Variants in CLSTN3 observed in about 807,000 individuals in gnomAD.
CLSTN3 encodes calsyntenin-3.
A neutral mutation model predicts 95.9 loss-of-function variants in CLSTN3; 36 were observed. The observed-to-expected ratio is 0.38, with a 90% CI of 0.29 to 0.50. The LOEUF (loss-of-function observed/expected upper bound fraction) is 0.50, where lower values mean the gene tolerates loss of function less well. CLSTN3 is among the 20% of genes least tolerant of loss of function. The probability of loss-of-function intolerance (pLI) is 0.95; values close to 1 mark genes in which losing one functional copy is unlikely to be tolerated. For missense variants in CLSTN3, 1,084 were observed against 1,268.8 expected (o/e 0.85, Z 2.21); for synonymous variants, 481 against 504.0 (o/e 0.95, Z 0.61).
At chr12:7,148,480 G>T (rs2135811979) in intron 12 of CLSTN3, among the ~76,000 whole-genome samples, 1 of 152,314 alleles carries the variant, frequency 6.6e-6, no homozygotes, top group African/African-American at 2.4e-5. Context: ...GGGAATGAAA[G>T]ACACACCAAA....
chr12:7,133,041 T>C lies in CLSTN3; in HGVS notation c.82T>C (p.Trp28Arg). The change falls in exon 2 of 18, where the codon TGG (tryptophan) becomes CGG (arginine). Residue 28 changes from tryptophan to arginine, a missense_variant. Trp to Arg is a moderately radical substitution (Grantham distance 101). Coordinates refer to ENST00000266546, the MANE Select transcript of CLSTN3 (RefSeq NM_014718.4). The surrounding 1 kb of genome is among the most constrained non-coding windows in gnomAD (Gnocchi z 4.7). ...GGGGCCAGCCAACAAGCACAAGCCA[T>C]GGATTGAGGCAGAGTACCAGGGCAT... ...SCNKANKHKP[W>R]IEAEYQGIVM... 6.2e-7 allele frequency: 1 copy of C among 1,613,832 alleles called. No individual in the cohort carries two copies. The highest frequency in any genetic ancestry group is 8.5e-7 in the Non-Finnish European group (1 of 1,179,890).
rs1939526902 is a variant in CLSTN3, at chr12:7,141,559, C to T, written c.1486+155C>T. Among the ~76,000 whole-genome samples, 1 of 152,182 alleles carries T rather than the reference C, an allele frequency of 6.6e-6. No homozygotes were observed. Among genetic ancestry groups the T allele is most frequent in the Non-Finnish European group, 1.5e-5 (1 of 68,036 alleles). ...TCTGAAGATCTCCATGGGAAGGGAC[C>T]ACAGCCTCCCTCCCGTATCTCCCAC... On this transcript the variant is annotated intron_variant, in intron 9 of 17. Coordinates refer to ENST00000266546, the MANE Select transcript of CLSTN3 (RefSeq NM_014718.4). The surrounding 1 kb of genome is among the most constrained non-coding windows in gnomAD (Gnocchi z 4.1).
chr12:7,130,310 C>CA (rs1555167709), upstream of CLSTN3: 18 of 815,418 alleles, frequency 2.2e-5, no homozygotes, highest in African/African-American at 2.8e-4. Flanking sequence ...TGGTCCCCCC[C>CA]CCTCCCAGTC....
chr12:7,156,689 G>A (rs756417939), intron 16 of CLSTN3: 69 of 456,714 alleles, frequency 1.5e-4, no homozygotes, highest in Non-Finnish European at 2.9e-4. Flanking sequence ...CTGCTTTGCC[G>A]CCATCAGCTC....
rs750388199 is a variant in CLSTN3, at chr12:7,150,708, T to C, written c.2391+19T>C. ...CGTGGAGGTACCCAGAGAGTCTCCT[T>C]CCTTCCACAGTTACCCACCCCCAGA... On this transcript the variant is annotated intron_variant, in intron 15 of 17. Coordinates refer to ENST00000266546, the MANE Select transcript of CLSTN3 (RefSeq NM_014718.4). The surrounding 1 kb of genome is among the most constrained non-coding windows in gnomAD (Gnocchi z 4.0). 3 of 1,608,230 alleles carry C rather than the reference T, an allele frequency of 1.9e-6. No homozygotes were observed. Among genetic ancestry groups the C allele is most frequent in the Non-Finnish European group, 2.6e-6 (3 of 1,175,144 alleles).
Position 7,141,166 on chromosome 12 carries a change from G to C in CLSTN3, c.1324-76G>C. The C allele has an allele frequency of 6.9e-7, 1 of 1,453,832 alleles. No homozygotes were observed. The highest frequency in any genetic ancestry group is 9.4e-7 in the Non-Finnish European group (1 of 1,065,356). The allele number at this position is 1,453,832 out of a possible 1,614,324, so 90.1% of individuals were successfully genotyped here. A position where few individuals can be genotyped will look rare whatever the true frequency, so the allele number is the denominator to read the frequency against. ...AGGGACTGTCCCCTGTCTCCCAGGA[G>C]ATGGGGCAGTGCCTAGGGTTAGCTC... On this transcript the variant is annotated intron_variant, in intron 8 of 17. Coordinates refer to ENST00000266546, the MANE Select transcript of CLSTN3 (RefSeq NM_014718.4). This position sits in a 1 kb window ranked among gnomAD's most constrained non-coding sequence, Gnocchi z 4.1.
At chr12:7,130,863 G>A in intron 1 of CLSTN3, 151 bp downstream of exon 1, 1 of 699,238 alleles carries the variant, frequency 1.4e-6, no homozygotes. Context: ...TCTCAGACCT[G>A]CTCCGTCTCC....
At chr12:7,131,263 C>G (rs888975765) in intron 1 of CLSTN3, 1 of 208,918 alleles carries the variant, frequency 4.8e-6, no homozygotes, top group Admixed American at 5.3e-5. Flanking sequence ...GAGCTGCCCT[C>G]TCTGGCAGAC....
chr12:7,150,960 C>G lies in CLSTN3; in HGVS notation c.2424C>G (p.Ala808=). The change falls in exon 16 of 18, where the codon GCC becomes GCG. Residue 808 remains alanine (A), a synonymous_variant. Transcript: ENST00000266546. The surrounding 1 kb of genome is among the most constrained non-coding windows in gnomAD (Gnocchi z 4.0). ...VNVLHSMNRV[A]HPSHVLSSQQ... ...TCCTGCACAGCATGAACCGGGTTGC[C>G]CACCCCAGCCACGTGCTCAGCTCCC... 1 of 1,611,130 alleles carries G rather than the reference C, an allele frequency of 6.2e-7. No individual in the cohort carries two copies.
In CLSTN3 at chr12:7,149,507, A is replaced by G; in HGVS notation, c.2075-16A>G. On this transcript the variant is annotated splice_polypyrimidine_tract_variant and intron_variant, in intron 13 of 17. Coordinates refer to ENST00000266546, the MANE Select transcript of CLSTN3 (RefSeq NM_014718.4). This position sits in a 1 kb window ranked among gnomAD's most constrained non-coding sequence, Gnocchi z 4.5. The stretch of plus-strand genomic sequence containing the variant: ...GCCCTTTGGCTCTGACCCAGACCCT[A>G]CTATCCCCAACCCAGTGACAGACAC... 6.2e-7 allele frequency: 1 copy of G among 1,602,152 alleles called. No homozygotes were observed. Among genetic ancestry groups the G allele is most frequent in the South Asian group, 1.1e-5 (1 of 88,656 alleles).
chr12:7,142,718 CTTT>C (rs373132235), intron 10 of CLSTN3, 148 bp from the exon 11 acceptor site: 2,841 of 301,728 alleles, frequency 9.4e-3, no homozygotes, highest in South Asian at 0.016. Context: ...CTCTTTTTTC[CTTT>C]TTTTTTTTTT....
rs1298530996 is a variant in CLSTN3, at chr12:7,149,506, T to C, written c.2075-17T>C. 6.2e-7 allele frequency: 1 copy of C among 1,601,608 alleles called. No individual in the cohort carries two copies. Among genetic ancestry groups the C allele is most frequent in the Non-Finnish European group, 8.5e-7 (1 of 1,172,800 alleles). On this transcript the variant is annotated splice_polypyrimidine_tract_variant and intron_variant, in intron 13 of 17. Transcript: ENST00000266546. The surrounding 1 kb of genome is among the most constrained non-coding windows in gnomAD (Gnocchi z 4.5). ...GGCCCTTTGGCTCTGACCCAGACCC[T>C]ACTATCCCCAACCCAGTGACAGACA... is the stretch of plus-strand genomic sequence containing the variant.
chr12:7,142,949 G>A lies in CLSTN3; in HGVS notation c.1621G>A (p.Glu541Lys). Reference sequence around the variant, plus strand: ...GCGCTCAGGTCGCCTGGAGAGCCGCGAGGTCATCGAGTGCCTCTATGCATG... The same window carrying A: ...GCGCTCAGGTCGCCTGGAGAGCCGCAAGGTCATCGAGTGCCTCTATGCATG... Reference protein sequence around the residue: ...SVRSGRLESREVIECLYACRE... With the variant: ...SVRSGRLESRKVIECLYACRE... Residue 541 changes from glutamate to lysine, a missense_variant, in exon 11 of 18, where the codon GAG (glutamate) becomes AAG (lysine). Coordinates refer to ENST00000266546, the MANE Select transcript of CLSTN3 (RefSeq NM_014718.4). 1.2e-6 allele frequency: 2 copies of A among 1,614,112 alleles called. No homozygotes were observed. Among genetic ancestry groups the A allele is most frequent in the African/African-American group, 1.3e-5 (1 of 75,028 alleles).
chr12:7,151,300 G>T (rs759553811), intron 16 of CLSTN3: 11 of 465,408 alleles, frequency 2.4e-5, no homozygotes, highest in Non-Finnish European at 3.7e-5. Context: ...GCTTATGCCT[G>T]CAGTCATAAA....
rs1174791045 is a variant in CLSTN3 at position 7,149,214 on chromosome 12, G to A, written c.2074+16G>A. On this transcript the variant is annotated intron_variant, in intron 13 of 17. Transcript: ENST00000266546. This position sits in a 1 kb window ranked among gnomAD's most constrained non-coding sequence, Gnocchi z 4.5. ...CAGGGCACAGGTAAGGACGACTTCG[G>A]GGAGTAACACCATCCAGAGAACCAG... 3 of 1,603,572 alleles carry A rather than the reference G, an allele frequency of 1.9e-6. No homozygotes were observed. The highest frequency in any genetic ancestry group is 2.6e-6 in the Non-Finnish European group (3 of 1,171,764).
At chr12:7,129,600 A>C, upstream of CLSTN3, 1 of 985,412 alleles carries the variant, frequency 1.0e-6, no homozygotes, top group Non-Finnish European at 1.2e-6. The surrounding 1 kb of genome is among the most constrained non-coding windows in gnomAD (Gnocchi z 5.5). Context: ...CGTAACCCCC[A>C]GTCCCCAGCC....
At chr12:7,132,733 C>T in intron 1 of CLSTN3, 1 of 591,914 alleles carries the variant, frequency 1.7e-6, no homozygotes, top group Non-Finnish European at 3.0e-6. Context: ...CACTTCCTGA[C>T]CATGGTTCCC....
In CLSTN3 at chr12:7,157,790, G is replaced by A. The variant is rs1025715496; in HGVS notation, c.2730+99G>A. 4.7e-6 allele frequency: 7 copies of A among 1,490,580 alleles called. No individual in the cohort carries two copies. The highest frequency in any genetic ancestry group is 2.5e-5 in the East Asian group (1 of 40,418). The allele number at this position is 1,490,580 out of a possible 1,614,324, so 92.3% of individuals were successfully genotyped here. On this transcript the variant is annotated intron_variant, in intron 17 of 17. Coordinates refer to ENST00000266546, the MANE Select transcript of CLSTN3 (RefSeq NM_014718.4). This position sits in a 1 kb window ranked among gnomAD's most constrained non-coding sequence, Gnocchi z 5.9. ...GGGCAGGCCTGGGTGGAGGCTGTTC[G>A]CAGAGCTGCAGTGAGCCGGAGGGAG... is the stretch of plus-strand genomic sequence containing the variant.
In CLSTN3 at chr12:7,149,717, C is replaced by T. The variant is rs771602850; in HGVS notation, c.2245+24C>T. On this transcript the variant is annotated intron_variant, in intron 14 of 17. Coordinates refer to ENST00000266546, the MANE Select transcript of CLSTN3 (RefSeq NM_014718.4). This position sits in a 1 kb window ranked among gnomAD's most constrained non-coding sequence, Gnocchi z 4.5. ...TGGTCAGTGGGGCCTGAGGGCCTGT[C>T]CTCTGTGTGTGTGTGCCCCTCCCAA... is the stretch of plus-strand genomic sequence containing the variant. 9 of 1,602,518 alleles carry T rather than the reference C, an allele frequency of 5.6e-6. No homozygotes were observed. The East Asian group carries it at 1.3e-4, about 24-fold the overall frequency.
Sources: allele counts gnomAD v4.1 joint callset (sites outside exome capture counted in the v4.1 genomes callset), GRCh38; gene constraint gnomAD v4.1.1; non-coding constraint Gnocchi (gnomAD v3.1); transcripts MANE v1.5; gene names NCBI Gene and HGNC (gene_info 2026-07-23, HGNC 2026-07-21).